Variants in ZMYM2 observed in about 807,000 individuals in gnomAD.
The protein encoded by ZMYM2 is zinc finger MYM-type protein 2.
Under a neutral mutation model 162.8 loss-of-function variants are expected in ZMYM2, and 56 were observed. The observed-to-expected ratio is 0.34, with a 90% confidence interval of 0.28 to 0.43. ZMYM2 has a LOEUF of 0.43. Among genes scored for constraint, ZMYM2 ranks in the 20% least tolerant of loss-of-function variants. The pLI is 1.00. For synonymous variants in ZMYM2, 510 were observed against 541.6 expected, an observed-to-expected ratio of 0.94 and a Z score of 0.81; for missense variants, 1,275 against 1,621.8, an observed-to-expected ratio of 0.79 and a Z score of 3.67.
chr13:19,977,591 C>G (rs552732386), intron 2 of ZMYM2, among the ~76,000 whole-genome samples: 2 of 148,644 alleles, frequency 1.3e-5, no homozygotes, highest in South Asian at 2.1e-4. Context: ...CTCCCGGGTT[C>G]ACGCCATTCT....
chr13:19,948,632 A>C, the ZMYM2 span, among the ~76,000 whole-genome samples: 5 of 152,216 alleles, frequency 3.3e-5, no homozygotes, highest in African/African-American at 1.2e-4. Context: ...GGGATGAACA[A>C]CACCAAGATG....
At chr13:19,961,122 T>G (rs1364817374) in intron 2 of ZMYM2, among the ~76,000 whole-genome samples, 1 of 152,070 alleles carries the variant, frequency 6.6e-6, no homozygotes, top group Non-Finnish European at 1.5e-5. Context: ...AAGGTTTTTT[T>G]TTTTTTTTTA....
At position 20,029,319 on chromosome 13, in the gene ZMYM2, A is replaced by G. The variant is rs189779672; in HGVS notation, c.1852-2000A>G. ...GATTAGATCACGAGGGTGGAGCTCT[A>G]ATGGTCTGATCACCTTTTCAAAGCC... On this transcript the variant is annotated intron_variant, in intron 9 of 24. Transcript: ENST00000610343. 3.9e-5 allele frequency among the ~76,000 whole-genome samples: 6 copies of G among 152,294 alleles called. 1 individual carries two copies. The highest frequency in any genetic ancestry group is 3.9e-4 in the Admixed American group (6 of 15,302).
At chr13:20,046,601 GTGTGTGTATATATATGTGTATATATA>G (rs1473222890) in intron 12 of ZMYM2, among the ~76,000 whole-genome samples, 3 of 25,326 alleles carry the variant, frequency 1.2e-4, no homozygotes, top group South Asian at 1.1e-3. Flanking sequence ...GTGTGTGTGT[GTGTGTGTATATATATGTGTATATATA>G]TGTGTATATA....
At chr13:19,888,447 C>T in the ZMYM2 span, among the ~76,000 whole-genome samples, 2 of 151,894 alleles carry the variant, frequency 1.3e-5, no homozygotes, top group African/African-American at 2.4e-5. Flanking sequence ...CCTTGGCATC[C>T]CAAAGTGCTG....
chr13:19,976,972 T>A (rs1349614968), intron 2 of ZMYM2, among the ~76,000 whole-genome samples: 1 of 152,238 alleles, frequency 6.6e-6, no homozygotes, highest in Admixed American at 6.5e-5. Context: ...TAAGTATCTG[T>A]ATGTTTAGAA....
chr13:19,963,732 A>T (rs1955489636), intron 2 of ZMYM2, among the ~76,000 whole-genome samples: 1 of 152,140 alleles, frequency 6.6e-6, no homozygotes, highest in Non-Finnish European at 1.5e-5. Flanking sequence ...GTTTTTGTGC[A>T]TATTTAAGAT....
chr13:19,959,075 C>T (rs1202882574), intron 1 of ZMYM2, among the ~76,000 whole-genome samples: 1 of 151,326 alleles, frequency 6.6e-6, no homozygotes, highest in Non-Finnish European at 1.5e-5. Context: ...GCTCATGTCA[C>T]AGGCGCCTTT....
intron 2 of ZMYM2, among the ~76,000 whole-genome samples, chr13:19,971,263 T>TATATATATATATATATATATA (rs60439404): frequency 2.3e-4 from 15 of 64,466 alleles, no homozygotes; most frequent in Admixed American, 5.1e-4. Context: ...TATATATATA[T>TATATATATATATATATATATA]TTTTTTTTTT....
chr13:19,918,058 A>T, the ZMYM2 span, among the ~76,000 whole-genome samples: 2 of 152,172 alleles, frequency 1.3e-5, no homozygotes, highest in Non-Finnish European at 2.9e-5. Context: ...CCCTGTCTCA[A>T]AAAACAAAAG....
At chr13:20,030,071 A>C (rs1018020746) in intron 9 of ZMYM2, among the ~76,000 whole-genome samples, 12 of 152,200 alleles carry the variant, frequency 7.9e-5, no homozygotes, top group African/African-American at 2.9e-4. Context: ...CTGGGATTAC[A>C]GGTGTGAGCT....
At chr13:19,900,737 C>T in the ZMYM2 span, among the ~76,000 whole-genome samples, 1 of 151,948 alleles carries the variant, frequency 6.6e-6, no homozygotes, top group African/African-American at 2.4e-5. Flanking sequence ...AATAAAATCC[C>T]AACAAAGTAC....
At position 20,059,516 on chromosome 13, in the gene ZMYM2, A is replaced by C; in HGVS notation, c.2693A>C (p.His898Pro). ...CCTGTGTATATCCCAGTTCCTATGC[A>C]CATGTACAGTCAGAATATTCCTGTT... ...PVPVYIPVPM[H>P]MYSQNIPVPT... The change falls in exon 16 of 25, where the codon CAC (histidine) becomes CCC (proline). Residue 898 changes from histidine (H) to proline (P), a missense_variant. Coordinates refer to ENST00000610343, the MANE Select transcript of ZMYM2 (RefSeq NM_197968.4). 1 of 1,455,836 alleles carries C rather than the reference A, an allele frequency of 6.9e-7. No homozygotes were observed. The allele number at this position is 1,455,836 out of a possible 1,614,324, so 90.2% of individuals were successfully genotyped here.
chr13:19,943,487 T>C, the ZMYM2 span, among the ~76,000 whole-genome samples: 1 of 152,172 alleles, frequency 6.6e-6, no homozygotes. Flanking sequence ...AAATAAAGAA[T>C]TGAAAACCAC....
chr13:20,029,645 TTTA>T (rs2140288289), intron 9 of ZMYM2, among the ~76,000 whole-genome samples: 1 of 152,324 alleles, frequency 6.6e-6, no homozygotes. Context: ...ATGGCTAATT[TTTA>T]TTAACCGTTT....
intron 14 of ZMYM2, among the ~76,000 whole-genome samples, chr13:20,054,565 CATT>C (rs1459808430): frequency 1.3e-5 from 2 of 152,126 alleles, no homozygotes; most frequent in Admixed American, 1.3e-4. Flanking sequence ...TGGCTTTTGT[CATT>C]ATAATTTTTA....
chr13:19,941,814 A>G, the ZMYM2 span, among the ~76,000 whole-genome samples: 1 of 139,408 alleles, frequency 7.2e-6, no homozygotes, highest in African/African-American at 2.7e-5. Flanking sequence ...TGGTGGCACC[A>G]TAAGTGCTCA....
chr13:19,962,496 G>GATATATATATATATATATATATAT (rs199575840), intron 2 of ZMYM2, among the ~76,000 whole-genome samples: 7 of 84,822 alleles, frequency 8.3e-5, no homozygotes, highest in African/African-American at 3.6e-4. Flanking sequence ...AATTGCATGG[G>GATATATATATATATATATATATAT]ATATATATAT....
chr13:19,998,995 G>T (rs750944535), intron 3 of ZMYM2, among the ~76,000 whole-genome samples: 1 of 152,154 alleles, frequency 6.6e-6, no homozygotes, highest in Middle Eastern at 3.2e-3. Flanking sequence ...ATGAAGATAG[G>T]TTATGGTATT....
Sources: allele counts gnomAD v4.1 joint callset (sites outside exome capture counted in the v4.1 genomes callset), GRCh38; gene constraint gnomAD v4.1.1; transcripts MANE v1.5; gene names NCBI Gene and HGNC (gene_info 2026-07-23, HGNC 2026-07-21).